The following PRKCSH variants were observed in gnomAD, a reference collection of about 807,000 sequenced individuals.
PRKCSH encodes the protein glucosidase 2 subunit beta.
In PRKCSH, 42 loss-of-function variants were observed where a neutral mutation model predicts 79.7. The ratio of observed to expected loss-of-function variants is 0.53; its 90% CI spans 0.41 to 0.68. The LOEUF (loss-of-function observed/expected upper bound fraction) is 0.68, where lower values mean the gene tolerates loss of function less well. Among genes scored for constraint, PRKCSH ranks in the 30% least tolerant of loss-of-function variants. The pLI is 0.00. For missense variants in PRKCSH, 686 were observed against 709.0 expected, an observed-to-expected ratio of 0.97 and a Z score of 0.37; for synonymous variants, 325 against 288.2, an observed-to-expected ratio of 1.13 and a Z score of -1.29.
At chr19:11,438,878 T>C (rs1223253423) in intron 5 of PRKCSH, among the ~76,000 whole-genome samples, 3 of 152,060 alleles carry the variant, frequency 2.0e-5, no homozygotes, top group African/African-American at 7.2e-5. Flanking sequence ...GCTGATCCTT[T>C]TGTAGTTCAT....
rs1265857664 is a variant in PRKCSH, at chr19:11,447,532, G to A, written c.943G>A (p.Glu315Lys). 1.4e-6 allele frequency: 2 copies of A among 1,420,554 alleles called. No individual in the cohort carries two copies. Among genetic ancestry groups the A allele is most frequent in the African/African-American group, 2.9e-5 (2 of 69,840 alleles). The allele number at this position is 1,420,554 out of a possible 1,614,324, so 88.0% of individuals were successfully genotyped here. ...AGTGCCCTCGTCGCCCACAGAGGAG[G>A]AGGAGGAGGAGGAGGAGGAGGAGGA... Reference protein sequence around the residue: ...PPVPSSPTEEEEEEEEEEEEE... With the variant: ...PPVPSSPTEEKEEEEEEEEEE... Residue 315 changes from glutamate (E) to lysine (K), a missense_variant, in exon 11 of 18, where the codon GAG becomes AAG. Coordinates refer to ENST00000677123, the MANE Select transcript of PRKCSH (RefSeq NM_001289104.2). The surrounding 1 kb of genome is among the most constrained non-coding windows in gnomAD (Gnocchi z 5.6).
chr19:11,447,338 A>AG lies in PRKCSH; in HGVS notation c.850-97dup. Reference sequence around the variant, plus strand: ...CGGTCCTCCCTGCAGGCCCCGCAGGAGGGGCAGAGACACCGAGGCTGCCCC... The same window carrying AG: ...CGGTCCTCCCTGCAGGCCCCGCAGGAGGGGGCAGAGACACCGAGGCTGCCCC... On this transcript the variant is annotated intron_variant, in intron 10 of 17. Transcript: ENST00000677123. This position sits in a 1 kb window ranked among gnomAD's most constrained non-coding sequence, Gnocchi z 5.6. 1 of 1,381,118 alleles carries AG rather than the reference A, an allele frequency of 7.2e-7. No individual in the cohort carries two copies. The highest frequency in any genetic ancestry group is 1.2e-5 in the South Asian group (1 of 82,870). 85.6% of individuals were successfully genotyped at this position (1,381,118 alleles called of 1,614,324 possible).
At position 11,445,468 on chromosome 19, in the gene PRKCSH, C is replaced by T. The variant is rs539988285; in HGVS notation, c.678C>T (p.Asp226=). The T allele has an allele frequency of 1.4e-4, 233 of 1,613,954 alleles. No homozygotes were observed. In the South Asian group the frequency reaches 1.9e-3, roughly 13 times the overall value. The stretch of plus-strand genomic sequence containing the variant: ...TCAAGGAGCTGGATGATGACATGGA[C>T]GGGACGTGAGTGTCCCCTAGTTGGA... ...DAFKELDDDM[D]GTVSVTELQT... Residue 226 remains aspartate (D), a synonymous_variant, in exon 8 of 18, where the codon GAC becomes GAT. Transcript: ENST00000677123.
rs1969852034 is a variant in PRKCSH at position 11,437,861 on chromosome 19, C to T, written c.197-15C>T. 6.2e-7 allele frequency: 1 copy of T among 1,613,194 alleles called. No individual in the cohort carries two copies. Among genetic ancestry groups the T allele is most frequent in the African/African-American group, 1.3e-5 (1 of 74,920 alleles). ...GAGCTGACTCCGAAAACCTTCCCTC[C>T]CTTCTTCCTCACAGGCACGGCTGCC... On this transcript the variant is annotated splice_polypyrimidine_tract_variant and intron_variant, in intron 3 of 17. Transcript: ENST00000677123.
Position 11,447,806 on chromosome 19 carries a change from G to T in PRKCSH, c.1126+17G>T. 1 of 1,550,066 alleles carries T rather than the reference G, an allele frequency of 6.5e-7. No individual in the cohort carries two copies. The highest frequency in any genetic ancestry group is 2.0e-5 in the Admixed American group (1 of 51,224). On this transcript the variant is annotated intron_variant, in intron 12 of 17. Coordinates refer to ENST00000677123, the MANE Select transcript of PRKCSH (RefSeq NM_001289104.2). This position sits in a 1 kb window ranked among gnomAD's most constrained non-coding sequence, Gnocchi z 5.6. ...TCATCGATGGTGAGGGTGGGCGGGG[G>T]CCAGGCTCCTCGGGTGGGCCCAGCG... is the stretch of plus-strand genomic sequence containing the variant.
chr19:11,441,431 G>A, intron 6 of PRKCSH, 74 bp downstream of exon 6: 3 of 1,433,388 alleles, frequency 2.1e-6, no homozygotes, highest in Non-Finnish European at 2.9e-6. Context: ...GCAAGGCTGG[G>A]GAGGGGTTTG....
rs1327973337 is a variant in PRKCSH at position 11,449,246 on chromosome 19, A to G, written c.1462-20A>G. The G allele has an allele frequency of 4.3e-6, 7 of 1,613,468 alleles. No homozygotes were observed. The highest frequency in any genetic ancestry group is 5.9e-6 in the Non-Finnish European group (7 of 1,179,936). On this transcript the variant is annotated intron_variant, in intron 16 of 17. Transcript: ENST00000677123. The surrounding 1 kb of genome is among the most constrained non-coding windows in gnomAD (Gnocchi z 6.4). ...CTGGCCCAGCCGAACCCTCTCGAGC[A>G]CCCGTCTGCCCATCCCCAGGTGCGC...
rs8101357 is a variant in PRKCSH, at chr19:11,449,938, G to T, written c.*16+510G>T. The T allele has an allele frequency of 0.091, 16,121 of 176,618 alleles. 864 individuals are homozygous for T. The highest frequency in any genetic ancestry group is 0.14 in the East Asian group (922 of 6,690). The allele number at this position is 176,618 out of a possible 1,614,324, so 10.9% of individuals were successfully genotyped here. On this transcript the variant is annotated intron_variant, in intron 17 of 17. Coordinates refer to ENST00000677123, the MANE Select transcript of PRKCSH (RefSeq NM_001289104.2). This position sits in a 1 kb window ranked among gnomAD's most constrained non-coding sequence, Gnocchi z 6.4. Reference sequence around the variant, plus strand: ...CGGCTCACTGCAACCTCCACCTCCTGGGTGCAAGCAATTCTCCTGCCTCAG... The same window carrying T: ...CGGCTCACTGCAACCTCCACCTCCTTGGTGCAAGCAATTCTCCTGCCTCAG...
intron 3 of PRKCSH, among the ~76,000 whole-genome samples, chr19:11,437,512 C>T (rs1242957225): frequency 1.3e-5 from 2 of 151,890 alleles, no homozygotes; most frequent in Non-Finnish European, 2.9e-5. Flanking sequence ...CCACCACATC[C>T]GGCTAATTTT....
rs1970475398 is a variant in PRKCSH, at chr19:11,449,283, G to A, written c.1479G>A (p.Gly493=). The A allele has an allele frequency of 1.2e-6, 2 of 1,613,726 alleles. No individual in the cohort carries two copies. Among genetic ancestry groups the A allele is most frequent in the Non-Finnish European group, 1.7e-6 (2 of 1,179,952 alleles). ...ATCCCCAGGTGCGCCTCCTGTGCGG[G>A]AAAGAGACCATGGTGACCAGCACCA... ...NRSTTVRLLC[G]KETMVTSTTE... is the part of the protein sequence containing the mutation. Residue 493 remains glycine (G), a synonymous_variant, in exon 17 of 18, where the codon GGG becomes GGA. Transcript: ENST00000677123. The surrounding 1 kb of genome is among the most constrained non-coding windows in gnomAD (Gnocchi z 6.4).
rs1460980622 is a variant in PRKCSH, at chr19:11,448,177, C to G, written c.1127-45C>G. 18 of 1,521,214 alleles carry G rather than the reference C, an allele frequency of 1.2e-5. No individual in the cohort carries two copies. The highest frequency in any genetic ancestry group is 1.7e-4 in the Middle Eastern group (1 of 5,928). The allele number at this position is 1,521,214 out of a possible 1,614,324, so 94.2% of individuals were successfully genotyped here. A position where few individuals can be genotyped will look rare whatever the true frequency, so the allele number is the denominator to read the frequency against. On this transcript the variant is annotated intron_variant, in intron 12 of 17. Coordinates refer to ENST00000677123, the MANE Select transcript of PRKCSH (RefSeq NM_001289104.2). The surrounding 1 kb of genome is among the most constrained non-coding windows in gnomAD (Gnocchi z 4.4). ...CCATGGAACCCCGTTCCCCATCCTC[C>G]TGGATGGGGTTGAGGACATCTCTGA...
chr19:11,441,484 T>A lies in PRKCSH; in HGVS notation c.468+127T>A. Reference sequence around the variant, plus strand: ...GGGGCAAGTGACTGCCTTTCGGAGCTTTGCTTTCTCAGTTGTGTGCTAGGC... The same window carrying A: ...GGGGCAAGTGACTGCCTTTCGGAGCATTGCTTTCTCAGTTGTGTGCTAGGC... On this transcript the variant is annotated intron_variant, in intron 6 of 17. Coordinates refer to ENST00000677123, the MANE Select transcript of PRKCSH (RefSeq NM_001289104.2). 4 of 876,130 alleles carry A rather than the reference T, an allele frequency of 4.6e-6. No homozygotes were observed. The South Asian group carries it at 5.3e-5, about 12-fold the overall frequency. The allele number at this position is 876,130 out of a possible 1,614,324, so 54.3% of individuals were successfully genotyped here. A position where few individuals can be genotyped will look rare whatever the true frequency, so the allele number is the denominator to read the frequency against.
Position 11,445,377 on chromosome 19 carries a change from G to A in PRKCSH, c.599-12G>A. The A allele has an allele frequency of 1.2e-6, 2 of 1,613,142 alleles. No homozygotes were observed. The highest frequency in any genetic ancestry group is 1.1e-5 in the South Asian group (1 of 91,078). On this transcript the variant is annotated splice_polypyrimidine_tract_variant and intron_variant, in intron 7 of 17. Coordinates refer to ENST00000677123, the MANE Select transcript of PRKCSH (RefSeq NM_001289104.2). ...GGGTGGGCAGGGGGTGACAGAGGTG[G>A]CTTCTTTACAGAGCAGCTGGCTGCT...
rs35927954 is a variant in PRKCSH, at chr19:11,449,079, C to G, written c.1365C>G (p.Thr455=). 4 of 1,613,558 alleles carry G rather than the reference C, an allele frequency of 2.5e-6. No homozygotes were observed. The highest frequency in any genetic ancestry group is 1.1e-5 in the South Asian group (1 of 91,088). The part of the protein sequence containing the change: ...KLGGSPTSLG[T]WGSWIGPDHD... Reference sequence around the variant, plus strand: ...CAGCACCCTGTGTCTCTCACAGCACCTGGGGCTCATGGATTGGCCCCGACC... The same window carrying G: ...CAGCACCCTGTGTCTCTCACAGCACGTGGGGCTCATGGATTGGCCCCGACC... Residue 455 remains threonine, a synonymous_variant, in exon 16 of 18, where the codon ACC becomes ACG. Transcript: ENST00000677123. This position sits in a 1 kb window ranked among gnomAD's most constrained non-coding sequence, Gnocchi z 6.4.
chr19:11,444,943 C>T (rs1304712405), intron 7 of PRKCSH, among the ~76,000 whole-genome samples: 1 of 152,176 alleles, frequency 6.6e-6, no homozygotes, highest in Non-Finnish European at 1.5e-5. Context: ...CCACCTCTGA[C>T]CGTCTGCGCA....
At position 11,446,262 on chromosome 19, in the gene PRKCSH, GC is replaced by G; in HGVS notation, c.684-5del. On this transcript the variant is annotated splice_polypyrimidine_tract_variant and intron_variant, in intron 8 of 17. Transcript: ENST00000677123. Reference sequence around the variant, plus strand: ...CACCCCTCCAGTCTGCTTCTGCCACGCCCCCGCAGGGTCTCGGTGACTGAGC... The same window carrying G: ...CACCCCTCCAGTCTGCTTCTGCCACGCCCCGCAGGGTCTCGGTGACTGAGC... 6.2e-7 allele frequency: 1 copy of G among 1,612,960 alleles called. No homozygotes were observed.
chr19:11,442,080 G>A (rs1970086818), intron 6 of PRKCSH, among the ~76,000 whole-genome samples: 1 of 152,242 alleles, frequency 6.6e-6, no homozygotes. Context: ...AAGAACCGGA[G>A]GCAGAAGAGC....
intron 7 of PRKCSH, 30 bp from the exon 8 acceptor site, chr19:11,445,359 C>A (rs756415099): frequency 6.2e-7 from 1 of 1,609,418 alleles, no homozygotes; most frequent in South Asian, 1.1e-5. Flanking sequence ...GGTGGGTGGG[C>A]AGGGGGTGAC....
At chr19:11,437,005 G>A (rs1465494262) in intron 3 of PRKCSH, among the ~76,000 whole-genome samples, 1 of 152,098 alleles carries the variant, frequency 6.6e-6, no homozygotes, top group Admixed American at 6.5e-5. Context: ...TTACAGGTGT[G>A]AGCCACCGTG....
Sources: allele counts gnomAD v4.1 joint callset (sites outside exome capture counted in the v4.1 genomes callset), GRCh38; gene constraint gnomAD v4.1.1; non-coding constraint Gnocchi (gnomAD v3.1); transcripts MANE v1.5; gene names NCBI Gene and HGNC (gene_info 2026-07-23, HGNC 2026-07-21).